The following EYS variants were observed in gnomAD, a reference collection of about 807,000 sequenced individuals.
EYS encodes the protein EGF-like photoreceptor maintenance factor, also known as protein eyes shut homolog.
In EYS, 250 loss-of-function variants were observed where a neutral mutation model predicts 282.1. The ratio of observed to expected loss-of-function variants is 0.89; its 90% CI spans 0.80 to 0.98. EYS has a LOEUF of 0.98. EYS is among the 50% of genes least tolerant of loss of function. The pLI is 0.00. For synonymous variants in EYS, 1,355 were observed against 1,282.9 expected, an observed-to-expected ratio of 1.06 and a Z score of -1.20; for missense variants, 4,016 against 3,709.0, an observed-to-expected ratio of 1.08 and a Z score of -2.15.
intron 2 of EYS, among the ~76,000 whole-genome samples, chr6:65,599,896 G>A (rs1765554777): frequency 3.3e-5 from 5 of 152,008 alleles, no homozygotes; most frequent in Admixed American, 3.3e-4. Context: ...AGATTTCTAC[G>A]GTTTCCAAAG....
In EYS at chr6:63,720,763, A is replaced by AG. The variant is rs1768346138; in HGVS notation, c.9267dup (p.Phe3090LeufsTer2). ...ATATTTACCTTTCTACCATATTCAA[A>AG]GCCCCCTAGATAACAAATGCCATCA... On this transcript the variant is annotated frameshift_variant, in exon 43 of 43. Coordinates refer to ENST00000503581, the MANE Select transcript of EYS (RefSeq NM_001142800.2). LOFTEE classifies it high-confidence loss of function. 1 of 1,550,600 alleles carries AG rather than the reference A, an allele frequency of 6.4e-7. No homozygotes were observed. The highest frequency in any genetic ancestry group is 2.4e-5 in the East Asian group (1 of 40,836).
intron 28 of EYS, among the ~76,000 whole-genome samples, chr6:64,390,433 G>C (rs954050238): frequency 1.3e-5 from 2 of 151,974 alleles, no homozygotes; most frequent in Non-Finnish European, 2.9e-5. Context: ...ATCTCAGAAC[G>C]GGCAGACTGC....
intron 33 of EYS, among the ~76,000 whole-genome samples, chr6:64,033,922 A>G (rs1769988863): frequency 6.6e-6 from 1 of 152,148 alleles, no homozygotes; most frequent in Non-Finnish European, 1.5e-5. Flanking sequence ...TTTGGCCTTA[A>G]CAAATATTCA....
intron 5 of EYS, among the ~76,000 whole-genome samples, chr6:65,417,711 A>G (rs771402749): frequency 6.6e-6 from 1 of 152,044 alleles, no homozygotes; most frequent in African/African-American, 2.4e-5. Context: ...TAAGCCCTTT[A>G]TATGTAATAA....
At chr6:64,228,033 G>C (rs1297652389) in intron 31 of EYS, among the ~76,000 whole-genome samples, 1 of 151,842 alleles carries the variant, frequency 6.6e-6, no homozygotes, top group Non-Finnish European at 1.5e-5. Context: ...GTTTCATCTG[G>C]CCAACCTGAG....
At chr6:65,218,794 C>T (rs778533110) in intron 12 of EYS, among the ~76,000 whole-genome samples, 44 of 151,944 alleles carry the variant, frequency 2.9e-4, no homozygotes, top group Middle Eastern at 3.4e-3. Context: ...AATCATCTAG[C>T]CTAGAATGGA....
chr6:64,135,360 C>A (rs1582321414), intron 31 of EYS, among the ~76,000 whole-genome samples: 1 of 152,028 alleles, frequency 6.6e-6, no homozygotes, highest in Admixed American at 6.6e-5. Flanking sequence ...TTAGGTATTA[C>A]AAGACAATTG....
chr6:65,366,596 T>C (rs1454324803), intron 8 of EYS, among the ~76,000 whole-genome samples: 1 of 151,894 alleles, frequency 6.6e-6, no homozygotes, highest in East Asian at 1.9e-4. Context: ...CAAGTTTACT[T>C]TGGTGTAAAT....
chr6:65,204,859 G>A (rs537033278), intron 12 of EYS, among the ~76,000 whole-genome samples: 15 of 148,098 alleles, frequency 1.0e-4, no homozygotes, highest in African/African-American at 3.2e-4. Flanking sequence ...CTGGAAGAAC[G>A]TATTTATATA....
At chr6:63,856,225 G>A (rs536621934) in intron 36 of EYS, among the ~76,000 whole-genome samples, 26 of 151,474 alleles carry the variant, frequency 1.7e-4, no homozygotes, top group African/African-American at 6.3e-4. Context: ...AGTCTCTGGT[G>A]AGCTTGAGAA....
intron 40 of EYS, among the ~76,000 whole-genome samples, chr6:63,766,921 G>A (rs1386176220): frequency 6.6e-6 from 1 of 151,962 alleles, no homozygotes; most frequent in East Asian, 1.9e-4. Context: ...ATGGAGACTG[G>A]TTCAACATAC....
At chr6:63,810,460 G>A (rs1159477234) in intron 36 of EYS, among the ~76,000 whole-genome samples, 1 of 152,140 alleles carries the variant, frequency 6.6e-6, no homozygotes, top group African/African-American at 2.4e-5. Context: ...ACTCTGCAGT[G>A]ATGCATCCTG....
intron 30 of EYS, among the ~76,000 whole-genome samples, chr6:64,235,258 G>T (rs1286475162): frequency 1.0e-5 from 1 of 96,856 alleles, no homozygotes; most frequent in Non-Finnish European, 1.9e-5. Context: ...CCCCACAACA[G>T]TCCCCAGAGT....
At chr6:64,670,093 C>T (rs1167540773) in intron 22 of EYS, among the ~76,000 whole-genome samples, 4 of 151,964 alleles carry the variant, frequency 2.6e-5, no homozygotes, top group Non-Finnish European at 4.4e-5. Context: ...GAGATAATGC[C>T]CTGATCTCCC....
intron 13 of EYS, among the ~76,000 whole-genome samples, chr6:65,032,552 C>T (rs1772637491): frequency 2.0e-5 from 3 of 152,116 alleles, no homozygotes; most frequent in South Asian, 2.1e-4. Context: ...ATGTGACATG[C>T]CTATTCCTCT....
chr6:63,887,314 G>T (rs200173196), intron 35 of EYS, among the ~76,000 whole-genome samples: 64 of 120,196 alleles, frequency 5.3e-4, no homozygotes, highest in Middle Eastern at 4.5e-3. Flanking sequence ...AATAAAAGGT[G>T]TTTTTTTTTT....
chr6:64,884,530 G>C (rs1354713348), intron 19 of EYS, among the ~76,000 whole-genome samples: 1 of 151,234 alleles, frequency 6.6e-6, no homozygotes, highest in African/African-American at 2.4e-5. Context: ...AAAATGAATA[G>C]ATTTGAACAT....
chr6:65,382,766 G>T (rs926953988), intron 8 of EYS, among the ~76,000 whole-genome samples: 1 of 151,922 alleles, frequency 6.6e-6, no homozygotes, highest in Non-Finnish European at 1.5e-5. Flanking sequence ...AGCCTGTCTA[G>T]CCTATTTATG....
chr6:64,863,635 T>G (rs531497042), intron 19 of EYS, among the ~76,000 whole-genome samples: 1 of 152,344 alleles, frequency 6.6e-6, no homozygotes, highest in South Asian at 2.1e-4. Context: ...AGAATAGCTC[T>G]CATTATATAG....
Sources: allele counts gnomAD v4.1 joint callset (sites outside exome capture counted in the v4.1 genomes callset), GRCh38; gene constraint gnomAD v4.1.1; transcripts MANE v1.5; gene names NCBI Gene and HGNC (gene_info 2026-07-23, HGNC 2026-07-21).